PLEKHA7: variants seen among roughly 807,000 people sequenced by gnomAD.
The protein encoded by PLEKHA7 is pleckstrin homology domain containing A7.
Under a neutral mutation model 170.0 loss-of-function variants are expected in PLEKHA7, and 104 were observed. The observed-to-expected ratio is 0.61, with a 90% CI of 0.52 to 0.72. The LOEUF is 0.72. PLEKHA7 is among the 30% of genes least tolerant of loss of function. PLEKHA7 has a pLI of 0.00. For synonymous variants in PLEKHA7, 648 were observed against 660.8 expected (o/e 0.98, Z 0.30); for missense variants, 1,615 against 1,671.7 (o/e 0.97, Z 0.59).
At chr11:16,926,413 C>T (rs1565123738) in intron 3 of PLEKHA7, among the ~76,000 whole-genome samples, 1 of 152,208 alleles carries the variant, frequency 6.6e-6, no homozygotes, top group African/African-American at 2.4e-5. Context: ...CATTAGCACC[C>T]GTCCAAATAT....
intron 3 of PLEKHA7, among the ~76,000 whole-genome samples, chr11:17,012,201 A>G (rs376015866): frequency 6.6e-5 from 10 of 152,200 alleles, no homozygotes; most frequent in East Asian, 3.8e-4. Flanking sequence ...TTCCCTGCTT[A>G]AAACCCTCCA....
intron 17 of PLEKHA7, among the ~76,000 whole-genome samples, chr11:16,797,430 A>G (rs1268170326): frequency 6.6e-6 from 1 of 152,134 alleles, no homozygotes; most frequent in African/African-American, 2.4e-5. Context: ...ATCCATCCCT[A>G]CAGGGCCTGG....
intron 3 of PLEKHA7, among the ~76,000 whole-genome samples, chr11:16,889,420 A>AAAAAAAATATATAT (rs61086849): frequency 4.7e-4 from 35 of 74,660 alleles, no homozygotes; most frequent in Non-Finnish European, 7.6e-4. Context: ...AAAAAAAAAA[A>AAAAAAAATATATAT]ATATATATAT....
chr11:16,990,287 A>AAAAAACAAAAAACC (rs1863963770), intron 3 of PLEKHA7, among the ~76,000 whole-genome samples: 1 of 111,250 alleles, frequency 9.0e-6, no homozygotes, highest in Admixed American at 1.1e-4. Context: ...AAAAAAAAAA[A>AAAAAACAAAAAACC]AAAAAAAAAA....
chr11:16,850,625 C>T (rs1852852816), intron 8 of PLEKHA7, among the ~76,000 whole-genome samples: 1 of 152,206 alleles, frequency 6.6e-6, no homozygotes, highest in African/African-American at 2.4e-5. Flanking sequence ...CATGGCCTCA[C>T]TCAGCCCAAA....
intron 3 of PLEKHA7, among the ~76,000 whole-genome samples, chr11:16,981,070 T>C (rs922927644): frequency 1.3e-5 from 2 of 152,118 alleles, no homozygotes; most frequent in Non-Finnish European, 2.9e-5. Context: ...ACTGAGGCTG[T>C]CTAGGACAGG....
At chr11:16,983,111 G>A (rs1037746535) in intron 3 of PLEKHA7, among the ~76,000 whole-genome samples, 1 of 152,190 alleles carries the variant, frequency 6.6e-6, no homozygotes, top group Non-Finnish European at 1.5e-5. Flanking sequence ...CTTCATGGAG[G>A]TAGCACAGGG....
intron 9 of PLEKHA7, among the ~76,000 whole-genome samples, chr11:16,826,918 G>A (rs1850703343): frequency 6.6e-6 from 1 of 152,176 alleles, no homozygotes; most frequent in African/African-American, 2.4e-5. Flanking sequence ...TTCGGCCAGT[G>A]GCCCACCTGG....
At position 16,834,845 on chromosome 11, in the gene PLEKHA7, C is replaced by T. The variant is rs889845096; in HGVS notation, c.872+6702G>A. Among the ~76,000 whole-genome samples the T allele has an allele frequency of 5.9e-5, 9 of 151,826 alleles. No homozygotes were observed. The East Asian group carries it at 1.2e-3, about 20-fold the overall frequency. ...TGAGGCAGAAGATTACTTGGGGGGG[C>T]GGGGGCAGAGAGCAGGCCCTGCCAG... On this transcript the variant is annotated intron_variant, in intron 9 of 26. Coordinates refer to ENST00000531066, the MANE Select transcript of PLEKHA7 (RefSeq NM_001329630.2).
At chr11:16,922,196 A>G (rs1859149181) in intron 3 of PLEKHA7, among the ~76,000 whole-genome samples, 1 of 134,352 alleles carries the variant, frequency 7.4e-6, no homozygotes, top group Non-Finnish European at 1.7e-5. Flanking sequence ...TCTACATTTA[A>G]AAAACAAAAC....
At chr11:16,970,396 C>T (rs1862635618) in intron 3 of PLEKHA7, among the ~76,000 whole-genome samples, 1 of 152,160 alleles carries the variant, frequency 6.6e-6, no homozygotes, top group Non-Finnish European at 1.5e-5. Context: ...CAGTGGCTCA[C>T]TCCTGTAATC....
intron 24 of PLEKHA7, 112 bp from the exon 25 acceptor site, chr11:16,783,945 GACTAAGTA>G: frequency 8.8e-7 from 1 of 1,131,064 alleles, no homozygotes; most frequent in Non-Finnish European, 1.1e-6. Context: ...AGTCCACAGA[GACTAAGTA>G]ACTTGCTAAG....
chr11:16,831,126 C>T (rs1412860643), intron 9 of PLEKHA7, among the ~76,000 whole-genome samples: 1 of 152,216 alleles, frequency 6.6e-6, no homozygotes, highest in Non-Finnish European at 1.5e-5. Flanking sequence ...TGAACAGCTC[C>T]TTATTCCCAT....
chr11:16,850,281 A>G (rs1852819622), intron 8 of PLEKHA7, among the ~76,000 whole-genome samples: 1 of 152,222 alleles, frequency 6.6e-6, no homozygotes, highest in African/African-American at 2.4e-5. Flanking sequence ...TAGTGGGGAC[A>G]GGAGCCCCTA....
chr11:16,824,002 G>A (rs145493737), intron 10 of PLEKHA7, among the ~76,000 whole-genome samples: 1 of 152,244 alleles, frequency 6.6e-6, no homozygotes, highest in Non-Finnish European at 1.5e-5. Context: ...AATATGCCAG[G>A]CACAAAAAGA....
chr11:16,876,755 A>G (rs1855325909), intron 3 of PLEKHA7, among the ~76,000 whole-genome samples: 1 of 152,170 alleles, frequency 6.6e-6, no homozygotes, highest in South Asian at 2.1e-4. Flanking sequence ...AATGCATCCT[A>G]TGGTTTCTTG....
At chr11:16,961,115 T>A (rs1014839866) in intron 3 of PLEKHA7, among the ~76,000 whole-genome samples, 1 of 152,168 alleles carries the variant, frequency 6.6e-6, no homozygotes, top group Non-Finnish European at 1.5e-5. Context: ...TCAGCTTTTT[T>A]CCAAATCCAA....
chr11:16,814,680 C>T (rs745696031), intron 12 of PLEKHA7, among the ~76,000 whole-genome samples: 66 of 152,208 alleles, frequency 4.3e-4, no homozygotes, highest in Non-Finnish European at 6.0e-4. Flanking sequence ...GTTCCACTTG[C>T]CTTGTGTGTG....
intron 3 of PLEKHA7, among the ~76,000 whole-genome samples, chr11:16,892,432 G>GTGTGTGTGTTTTGTTT (rs1554964931): frequency 8.7e-6 from 1 of 114,946 alleles, no homozygotes; most frequent in African/African-American, 3.6e-5. Context: ...GTGTGTGTGT[G>GTGTGTGTGTTTTGTTT]TGTTTTGTTT....
Sources: gnomAD v4.1 joint callset for allele counts (sites outside exome capture counted in the v4.1 genomes callset) on GRCh38, gnomAD v4.1.1 for gene constraint, MANE v1.5 for transcripts, NCBI Gene and HGNC (gene_info 2026-07-23, HGNC 2026-07-21) for gene names.